LRRTM4: variants seen among roughly 807,000 people sequenced by gnomAD.
LRRTM4 encodes leucine rich repeat transmembrane neuronal 4, also known as leucine-rich repeat transmembrane neuronal protein 4.
Under a neutral mutation model 47.6 loss-of-function variants are expected in LRRTM4, and 25 were observed. The ratio of observed to expected loss-of-function variants is 0.53; its 90% CI spans 0.38 to 0.73. LRRTM4 has a LOEUF of 0.73. Among genes scored for constraint, LRRTM4 ranks in the 30% least tolerant of loss-of-function variants. LRRTM4 has a pLI of 0.00. For synonymous variants in LRRTM4, 311 were observed against 269.5 expected (o/e 1.15, Z -1.51); for missense variants, 638 against 713.4 (o/e 0.89, Z 1.20).
chr2:77,142,641 C>G (rs1344654463), intron 3 of LRRTM4, among the ~76,000 whole-genome samples: 1 of 152,036 alleles, frequency 6.6e-6, no homozygotes, highest in African/African-American at 2.4e-5. Flanking sequence ...AATATAATAA[C>G]AAGACCATGA....
chr2:77,514,113 AAC>A (rs1440024651), intron 3 of LRRTM4, among the ~76,000 whole-genome samples: 1 of 151,910 alleles, frequency 6.6e-6, no homozygotes, highest in Non-Finnish European at 1.5e-5. Context: ...CTCACATACA[AAC>A]ACACACACAT....
rs144054233 is a variant in LRRTM4 at position 76,825,769 on chromosome 2, G to A, written c.1552-76853C>T. Among the ~76,000 whole-genome samples, 25 of 151,664 alleles carry A rather than the reference G, an allele frequency of 1.6e-4. No homozygotes were observed. The East Asian group carries it at 4.5e-3, about 27-fold the overall frequency. ...GAGAGAGTGCAAAGGTCGAGCTGCA[G>A]AAGGTTTGGAACTGAGCCTGGAGCA... is the stretch of plus-strand genomic sequence containing the variant. On this transcript the variant is annotated intron_variant, in intron 3 of 3. Coordinates refer to ENST00000409884, the MANE Select transcript of LRRTM4 (RefSeq NM_001134745.3).
chr2:76,894,588 T>G (rs1673352124), intron 3 of LRRTM4, among the ~76,000 whole-genome samples: 1 of 152,022 alleles, frequency 6.6e-6, no homozygotes, highest in African/African-American at 2.4e-5. Flanking sequence ...AAAGTCATGT[T>G]AATGTTTCTA....
intron 3 of LRRTM4, among the ~76,000 whole-genome samples, chr2:77,037,277 A>G (rs1678869649): frequency 6.6e-6 from 1 of 151,774 alleles, no homozygotes; most frequent in Non-Finnish European, 1.5e-5. Context: ...AGGGAGTTAA[A>G]ATAACTTTTA....
chr2:77,516,102 C>G (rs1679199091), intron 3 of LRRTM4, among the ~76,000 whole-genome samples: 1 of 151,772 alleles, frequency 6.6e-6, no homozygotes, highest in African/African-American at 2.4e-5. Flanking sequence ...TTTGAGGGCA[C>G]AGAAAGTTTG....
intron 3 of LRRTM4, among the ~76,000 whole-genome samples, chr2:76,934,591 T>C (rs1674879051): frequency 6.6e-6 from 1 of 152,106 alleles, no homozygotes; most frequent in Non-Finnish European, 1.5e-5. Context: ...CAATTTGCAG[T>C]GTGTAAATAT....
At chr2:77,191,830 C>T (rs1259807741) in intron 3 of LRRTM4, among the ~76,000 whole-genome samples, 4 of 151,864 alleles carry the variant, frequency 2.6e-5, no homozygotes, top group African/African-American at 4.8e-5. Flanking sequence ...ATAGATAAAC[C>T]TAACTTAGGT....
chr2:77,277,109 G>A (rs1009216964), intron 3 of LRRTM4, among the ~76,000 whole-genome samples: 6 of 151,996 alleles, frequency 3.9e-5, no homozygotes, highest in Admixed American at 3.9e-4. Context: ...AACTCAATGT[G>A]TGCATTTTGA....
At chr2:77,297,025 T>C (rs1278808802) in intron 3 of LRRTM4, among the ~76,000 whole-genome samples, 1 of 152,208 alleles carries the variant, frequency 6.6e-6, no homozygotes, top group Non-Finnish European at 1.5e-5. Context: ...GGGTAATGAA[T>C]GGAGATTCCT....
intron 3 of LRRTM4, among the ~76,000 whole-genome samples, chr2:77,189,952 C>A (rs2103876137): frequency 6.6e-6 from 1 of 152,066 alleles, no homozygotes; most frequent in South Asian, 2.1e-4. Flanking sequence ...AGGGAGGCAA[C>A]AAATGTATTT....
At chr2:76,751,406 T>C (rs1672844605) in intron 3 of LRRTM4, among the ~76,000 whole-genome samples, 1 of 152,196 alleles carries the variant, frequency 6.6e-6, no homozygotes, top group African/African-American at 2.4e-5. Flanking sequence ...ATCTTGAATA[T>C]GCCATTCTAT....
At chr2:77,413,587 T>A (rs544088097) in intron 3 of LRRTM4, among the ~76,000 whole-genome samples, 62 of 152,312 alleles carry the variant, frequency 4.1e-4, no homozygotes, top group African/African-American at 1.4e-3. Context: ...GAGAAAATTT[T>A]ACCTAAATGT....
At chr2:76,981,032 T>G (rs1165170853) in intron 3 of LRRTM4, among the ~76,000 whole-genome samples, 2 of 152,132 alleles carry the variant, frequency 1.3e-5, no homozygotes, top group Non-Finnish European at 2.9e-5. Flanking sequence ...ATTAATGTAG[T>G]TATCAGATGC....
chr2:76,864,203 G>C (rs1406832235), intron 3 of LRRTM4, among the ~76,000 whole-genome samples: 2 of 152,144 alleles, frequency 1.3e-5, no homozygotes, highest in Non-Finnish European at 2.9e-5. Context: ...TTTTAAAGTG[G>C]TGGGATTCAG....
intron 3 of LRRTM4, among the ~76,000 whole-genome samples, chr2:77,005,595 G>C (rs779019695): frequency 1.3e-5 from 2 of 152,106 alleles, no homozygotes; most frequent in African/African-American, 4.8e-5. Context: ...ATTGAATCAT[G>C]GGAGCAGATT....
intron 3 of LRRTM4, among the ~76,000 whole-genome samples, chr2:76,951,375 A>G (rs957015611): frequency 6.6e-6 from 1 of 152,012 alleles, no homozygotes; most frequent in Non-Finnish European, 1.5e-5. Flanking sequence ...TCTATAAAAA[A>G]ACAATTTATT....
intron 3 of LRRTM4, among the ~76,000 whole-genome samples, chr2:77,397,910 T>G (rs1008622828): frequency 2.0e-5 from 3 of 151,798 alleles, no homozygotes; most frequent in African/African-American, 7.3e-5. Context: ...TACCCTTCAT[T>G]AGGTGAGTCA....
At chr2:77,265,127 AG>A (rs1676017115) in intron 3 of LRRTM4, among the ~76,000 whole-genome samples, 1 of 152,116 alleles carries the variant, frequency 6.6e-6, no homozygotes, top group South Asian at 2.1e-4. Flanking sequence ...CATACAATAG[AG>A]GAAAAATGCA....
intron 3 of LRRTM4, among the ~76,000 whole-genome samples, chr2:77,286,680 A>T (rs972451428): frequency 6.6e-6 from 1 of 152,002 alleles, no homozygotes; most frequent in Non-Finnish European, 1.5e-5. Flanking sequence ...GAAGGCTTCT[A>T]TTTCAAATTA....
Sources: gnomAD v4.1 joint callset for allele counts (sites outside exome capture counted in the v4.1 genomes callset) on GRCh38, gnomAD v4.1.1 for gene constraint, MANE v1.5 for transcripts, NCBI Gene and HGNC (gene_info 2026-07-23, HGNC 2026-07-21) for gene names.